The following CD244 variants were observed in gnomAD, a reference collection of about 807,000 sequenced individuals.
CD244 encodes CD244 molecule.
A neutral mutation model predicts 45.5 loss-of-function variants in CD244; 20 were observed. The observed-to-expected ratio is 0.44, with a 90% CI of 0.31 to 0.64. The LOEUF (loss-of-function observed/expected upper bound fraction) is 0.64. Among genes scored for constraint, CD244 ranks in the 30% least tolerant of loss-of-function variants. CD244 has a pLI of 0.08. For synonymous variants in CD244, 185 were observed against 160.5 expected (o/e 1.15, Z -1.15); for missense variants, 407 against 426.9 (o/e 0.95, Z 0.41).
rs923051888 is a variant in CD244, at chr1:160,848,286, C to T, written c.62-6385G>A. On this transcript the variant is annotated intron_variant, in intron 1 of 8. Coordinates refer to ENST00000368034, the MANE Select transcript of CD244 (RefSeq NM_016382.4). ...GGTGAGAACTTCATCCTGAAGCATA[C>T]AGGTCTTGGCATCTTGTCCATGGCA... is the stretch of plus-strand genomic sequence containing the variant. 1.1e-4 allele frequency: 62 copies of T among 579,546 alleles called. No individual in the cohort carries two copies. The Admixed American group carries it at 1.1e-3, about 11-fold the overall frequency. The allele number at this position is 579,546 out of a possible 1,614,324, so 35.9% of individuals were successfully genotyped here.
chr1:160,841,916 C>G lies in CD244; in HGVS notation c.62-15G>C, dbSNP rs761970315. 6 of 1,611,240 alleles carry G rather than the reference C, an allele frequency of 3.7e-6. No individual in the cohort carries two copies. The African/African-American group carries it at 5.3e-5, about 14-fold the overall frequency. On this transcript the variant is annotated splice_polypyrimidine_tract_variant and intron_variant, in intron 1 of 8. Transcript: ENST00000368034. Reference sequence around the variant, plus strand: ...TCCCTGGCATCCTAGGAAAGAGAACCCAAGCTGAAAGTAGCGGGAAGAGTG... The same window carrying G: ...TCCCTGGCATCCTAGGAAAGAGAACGCAAGCTGAAAGTAGCGGGAAGAGTG...
chr1:160,860,387 A>T (rs984584336), intron 1 of CD244, among the ~76,000 whole-genome samples: 5 of 152,184 alleles, frequency 3.3e-5, no homozygotes, highest in African/African-American at 1.2e-4. Context: ...TCATAGACTG[A>T]ACATGAGAAA....
rs1669240800 is a variant in CD244, at chr1:160,834,175, G to A, written c.895-59C>T. 7 of 1,265,844 alleles carry A rather than the reference G, an allele frequency of 5.5e-6. No individual in the cohort carries two copies. In the Admixed American group the frequency reaches 8.4e-5, roughly 15 times the overall value. The allele number at this position is 1,265,844 out of a possible 1,614,324, so 78.4% of individuals were successfully genotyped here. A position where few individuals can be genotyped will look rare whatever the true frequency, so the allele number is the denominator to read the frequency against. ...CACAGATCCAGCACAATCTTACAAA[G>A]GTTATCTCTTCCGTTTCTCCTCCTC... On this transcript the variant is annotated intron_variant, in intron 6 of 8. Transcript: ENST00000368034.
chr1:160,860,290 C>A (rs141286562), intron 1 of CD244, among the ~76,000 whole-genome samples: 1 of 151,902 alleles, frequency 6.6e-6, no homozygotes, highest in Non-Finnish European at 1.5e-5. Context: ...TCAGACAAAC[C>A]CAGATTAAGG....
intron 8 of CD244, among the ~76,000 whole-genome samples, 156 bp from the exon 9 acceptor site, chr1:160,831,583 C>A (rs948180617): frequency 8.5e-5 from 13 of 152,332 alleles, no homozygotes; most frequent in Admixed American, 2.0e-4. Flanking sequence ...GTGTGAAGTG[C>A]AGGAGGGACT....
chr1:160,860,672 A>G (rs1208553346), intron 1 of CD244, among the ~76,000 whole-genome samples: 3 of 152,238 alleles, frequency 2.0e-5, no homozygotes, highest in Non-Finnish European at 2.9e-5. Context: ...ACATTTATAC[A>G]CACATATACA....
At chr1:160,860,380 T>C (rs1670253995) in intron 1 of CD244, among the ~76,000 whole-genome samples, 1 of 151,978 alleles carries the variant, frequency 6.6e-6, no homozygotes, top group Non-Finnish European at 1.5e-5. Flanking sequence ...AGTATGGTCA[T>C]AGACTGAACA....
rs976169964 is a variant in CD244, at chr1:160,862,475, C to T, written c.61+142G>A. 13 of 662,310 alleles carry T rather than the reference C, an allele frequency of 2.0e-5. No individual in the cohort carries two copies. The African/African-American group carries it at 2.2e-4, about 11-fold the overall frequency. 41.0% of individuals were successfully genotyped at this position (662,310 alleles called of 1,614,324 possible). On this transcript the variant is annotated intron_variant, in intron 1 of 8. Transcript: ENST00000368034. ...GCCAGCCTGTCCTGTCTGATTTAGA[C>T]TGTCAGAGCTGTCAGGAGCTGCTCG...
intron 8 of CD244, among the ~76,000 whole-genome samples, chr1:160,831,986 A>G (rs975010455): frequency 6.6e-6 from 1 of 152,206 alleles, no homozygotes; most frequent in Non-Finnish European, 1.5e-5. Context: ...TACCTTATCC[A>G]TAATAAACCC....
intron 1 of CD244, among the ~76,000 whole-genome samples, chr1:160,845,237 A>C (rs775002663): frequency 5.3e-5 from 8 of 152,214 alleles, no homozygotes; most frequent in Non-Finnish European, 8.8e-5. Context: ...AATAAAATGT[A>C]AAATAACTGT....
At chr1:160,838,315 T>C (rs750736697) in intron 5 of CD244, 136 bp downstream of exon 5, 22 of 731,220 alleles carry the variant, frequency 3.0e-5, no homozygotes, top group South Asian at 2.8e-4. Context: ...GGAGAAAAGA[T>C]AGATGGGGAA....
In CD244 at chr1:160,853,593, G is replaced by A. The variant is rs113734690; in HGVS notation, c.61+9024C>T. ...CTGACTATTAACTAAGATGTACTTTGATAAAAGCAAAATATGACTTGCCCA... is the reference window on the plus strand; with the variant it reads ...CTGACTATTAACTAAGATGTACTTTAATAAAAGCAAAATATGACTTGCCCA... On this transcript the variant is annotated intron_variant, in intron 1 of 8. Transcript: ENST00000368034. Among the ~76,000 whole-genome samples, 1,373 of 152,152 alleles carry A rather than the reference G, an allele frequency of 9.0e-3. 15 individuals are homozygous for A. The highest frequency in any genetic ancestry group is 0.014 in the Non-Finnish European group (954 of 67,988).
At chr1:160,854,183 TA>T (rs976038618) in intron 1 of CD244, among the ~76,000 whole-genome samples, 15 of 152,224 alleles carry the variant, frequency 9.9e-5, no homozygotes, top group African/African-American at 3.6e-4. Flanking sequence ...TTATCTTTTA[TA>T]AAATTGTGAG....
chr1:160,838,816 A>G (rs1417954255), intron 4 of CD244, 123 bp downstream of exon 4: 3 of 688,498 alleles, frequency 4.4e-6, no homozygotes, highest in Non-Finnish European at 7.3e-6. Context: ...GCACACAAAC[A>G]TACCAAAGCT....
intron 1 of CD244, among the ~76,000 whole-genome samples, chr1:160,861,599 G>A (rs1670307014): frequency 6.6e-6 from 1 of 152,200 alleles, no homozygotes; most frequent in South Asian, 2.1e-4. Context: ...GGATGGGGGA[G>A]ACCAAGGTGG....
At chr1:160,861,545 C>T (rs1165087167) in intron 1 of CD244, among the ~76,000 whole-genome samples, 3 of 152,238 alleles carry the variant, frequency 2.0e-5, no homozygotes, top group African/African-American at 7.2e-5. Flanking sequence ...AAATGCAGAA[C>T]CCTGGCTGGG....
chr1:160,849,873 C>T (rs1350413957), intron 1 of CD244, among the ~76,000 whole-genome samples: 5 of 151,950 alleles, frequency 3.3e-5, no homozygotes, highest in East Asian at 1.9e-4. Flanking sequence ...ATTAGCCAGG[C>T]GGGTGGCAGT....
At chr1:160,855,245 T>C (rs1255101692) in intron 1 of CD244, among the ~76,000 whole-genome samples, 1 of 152,172 alleles carries the variant, frequency 6.6e-6, no homozygotes, top group Admixed American at 6.5e-5. Context: ...CTCCCACCTT[T>C]TGGGGAACAG....
intron 1 of CD244, among the ~76,000 whole-genome samples, chr1:160,846,454 G>A (rs1015104946): frequency 2.0e-5 from 3 of 152,206 alleles, no homozygotes; most frequent in African/African-American, 7.2e-5. Context: ...ATCAGTTGAG[G>A]TCGGGAGTTG....
Sources: gnomAD v4.1 joint callset for allele counts (sites outside exome capture counted in the v4.1 genomes callset) on GRCh38, gnomAD v4.1.1 for gene constraint, MANE v1.5 for transcripts, NCBI Gene and HGNC (gene_info 2026-07-23, HGNC 2026-07-21) for gene names.